Variants in CWH43 observed in about 807,000 individuals in gnomAD.
The protein encoded by CWH43 is PGAP2-interacting protein.
A neutral mutation model predicts 85.7 loss-of-function variants in CWH43; 91 were observed. That is an observed-to-expected ratio of 1.06 (90% CI 0.90 to 1.26). The LOEUF (loss-of-function observed/expected upper bound fraction) is 1.26. Among genes scored for constraint, CWH43 ranks in the 50% most tolerant of loss-of-function variants. CWH43 has a pLI of 0.00. For synonymous variants in CWH43, 323 were observed against 293.6 expected (o/e 1.10, Z -1.02); for missense variants, 869 against 839.2 (o/e 1.04, Z -0.44).
intron 9 of CWH43, among the ~76,000 whole-genome samples, chr4:49,024,173 C>T (rs1783833351): frequency 6.6e-6 from 1 of 152,162 alleles, no homozygotes; most frequent in African/African-American, 2.4e-5. Context: ...CTCCTGCTCA[C>T]TTTTGGTGTC....
rs532071444 is a variant in CWH43, at chr4:48,989,825, A to G, written c.235+1157A>G. 1.5e-3 allele frequency among the ~76,000 whole-genome samples: 225 copies of G among 152,346 alleles called. 1 individual carries two copies. Among genetic ancestry groups the G allele is most frequent in the Non-Finnish European group, 2.9e-3 (194 of 68,040 alleles). On this transcript the variant is annotated intron_variant, in intron 2 of 15. Transcript: ENST00000226432. Reference sequence around the variant, plus strand: ...AATTGGTGTCCATAGGAATTGAAAGACATGTCAAATGGTCTTGAAATTTTC... The same window carrying G: ...AATTGGTGTCCATAGGAATTGAAAGGCATGTCAAATGGTCTTGAAATTTTC...
In CWH43 at chr4:49,017,246, T is replaced by A; in HGVS notation, c.1187-3T>A. The A allele has an allele frequency of 6.2e-7, 1 of 1,606,734 alleles. No homozygotes were observed. The highest frequency in any genetic ancestry group is 1.3e-5 in the African/African-American group (1 of 74,642). On this transcript the variant is annotated splice_region_variant and splice_polypyrimidine_tract_variant and intron_variant, in intron 8 of 15. Transcript: ENST00000226432. ...AACCCAATTATTTCTTTTTTCTGTT[T>A]AGTTCTGTGGCTGCTTGTTGGTGTG... is the stretch of plus-strand genomic sequence containing the variant.
chr4:49,010,722 T>C (rs1783330262), intron 8 of CWH43, among the ~76,000 whole-genome samples: 1 of 152,204 alleles, frequency 6.6e-6, no homozygotes, highest in Non-Finnish European at 1.5e-5. Flanking sequence ...TCTGCCTTCA[T>C]TTCATTATTT....
chr4:49,061,875 C>A lies in CWH43; in HGVS notation c.2085C>A (p.Pro695=). Residue 695 remains proline, a synonymous_variant, in exon 16 of 16, where the codon CCC becomes CCA. Transcript: ENST00000226432. ...ACCATCATTTTCATATGAATACTCC[C>A]AAATACTTTTTATGAAACATTTAAA... ...ENNHHFHMNT[P]KYFL 1 of 1,378,886 alleles carries A rather than the reference C, an allele frequency of 7.3e-7. No individual in the cohort carries two copies. Among genetic ancestry groups the A allele is most frequent in the South Asian group, 1.5e-5 (1 of 68,530 alleles). The allele number at this position is 1,378,886 out of a possible 1,614,324, so 85.4% of individuals were successfully genotyped here.
intron 6 of CWH43, among the ~76,000 whole-genome samples, chr4:48,999,682 G>A (rs958767478): frequency 1.3e-5 from 2 of 152,182 alleles, no homozygotes; most frequent in African/African-American, 4.8e-5. Context: ...GTTGCCAGTT[G>A]CCAGACCTCT....
At chr4:49,060,560 C>T (rs1313550134) in intron 15 of CWH43, among the ~76,000 whole-genome samples, 1 of 152,074 alleles carries the variant, frequency 6.6e-6, no homozygotes, top group African/African-American at 2.4e-5. Flanking sequence ...TTACTTCACT[C>T]ATTTTACCCT....
At chr4:49,003,691 G>A (rs1783064344) in intron 6 of CWH43, 44 bp from the exon 7 acceptor site, 2 of 1,607,528 alleles carry the variant, frequency 1.2e-6, no homozygotes, top group South Asian at 1.1e-5. Flanking sequence ...CATCCTCTAA[G>A]CTCGACTGCT....
intron 13 of CWH43, among the ~76,000 whole-genome samples, chr4:49,039,306 G>GATATATATATATATATATATATATAT (rs71600797): frequency 0.026 from 119 of 4,522 alleles, 21 homozygotes; most frequent in African/African-American, 0.037. Flanking sequence ...TCAGGAGACT[G>GATATATATATATATATATATATATAT]ATATATATAT....
At chr4:48,990,463 A>G (rs1368770385) in intron 2 of CWH43, among the ~76,000 whole-genome samples, 4 of 152,282 alleles carry the variant, frequency 2.6e-5, no homozygotes, top group East Asian at 3.9e-4. Context: ...GAGTCCTGAG[A>G]TATTCTTATA....
chr4:49,033,177 C>T (rs1784157144), intron 12 of CWH43, among the ~76,000 whole-genome samples: 1 of 152,144 alleles, frequency 6.6e-6, no homozygotes, highest in African/African-American at 2.4e-5. Context: ...AAAGAAATTT[C>T]CTTTTCCTGC....
chr4:49,038,372 C>T (rs1784327866), intron 13 of CWH43, among the ~76,000 whole-genome samples, 192 bp downstream of exon 13: 1 of 152,146 alleles, frequency 6.6e-6, no homozygotes, highest in South Asian at 2.1e-4. Flanking sequence ...CCAATGTGGA[C>T]AGGGCTCAAT....
At chr4:49,043,398 C>T (rs1361298941) in intron 13 of CWH43, among the ~76,000 whole-genome samples, 2 of 152,126 alleles carry the variant, frequency 1.3e-5, no homozygotes, top group Non-Finnish European at 2.9e-5. Flanking sequence ...TGTGCATGTG[C>T]ACGTGAGTGT....
intron 8 of CWH43, among the ~76,000 whole-genome samples, chr4:49,011,819 G>T (rs949156776): frequency 2.0e-5 from 3 of 152,324 alleles, no homozygotes; most frequent in African/African-American, 4.8e-5. Context: ...CTTCTGGCTT[G>T]TAGGGTTTCT....
intron 9 of CWH43, among the ~76,000 whole-genome samples, chr4:49,027,428 T>A (rs1783950709): frequency 6.6e-6 from 1 of 152,198 alleles, no homozygotes; most frequent in South Asian, 2.1e-4. Context: ...GATGAATAGT[T>A]GTAAGAAAAA....
intron 12 of CWH43, among the ~76,000 whole-genome samples, chr4:49,035,265 G>T (rs1380656168): frequency 6.6e-6 from 1 of 152,174 alleles, no homozygotes; most frequent in Non-Finnish European, 1.5e-5. Flanking sequence ...AATTTCTAAT[G>T]CTTGTGCATG....
At chr4:49,041,995 A>AG (rs1420857757) in intron 13 of CWH43, among the ~76,000 whole-genome samples, 2 of 152,220 alleles carry the variant, frequency 1.3e-5, no homozygotes, top group Non-Finnish European at 2.9e-5. Context: ...AAGAAGGGTA[A>AG]GGCAGATATT....
At chr4:49,014,482 A>G (rs1783473896) in intron 8 of CWH43, among the ~76,000 whole-genome samples, 1 of 151,802 alleles carries the variant, frequency 6.6e-6, no homozygotes, top group African/African-American at 2.4e-5. Flanking sequence ...AAAAGAGAGA[A>G]GAAAAGATTC....
intron 15 of CWH43, among the ~76,000 whole-genome samples, chr4:49,059,556 A>G (rs1785073532): frequency 6.6e-6 from 1 of 152,168 alleles, no homozygotes; most frequent in African/African-American, 2.4e-5. Context: ...CATTTGAAAA[A>G]GTGGGCATCT....
In CWH43 at chr4:49,061,816, G is replaced by A; in HGVS notation, c.2026G>A (p.Gly676Arg). 1.4e-6 allele frequency: 2 copies of A among 1,381,244 alleles called. No individual in the cohort carries two copies. The highest frequency in any genetic ancestry group is 1.5e-5 in the South Asian group (1 of 67,924). The allele number at this position is 1,381,244 out of a possible 1,614,324, so 85.6% of individuals were successfully genotyped here. The stretch of plus-strand genomic sequence containing the variant: ...ATTTATTTTTTATTTTTTTAGATTT[G>A]GATCCTACAAAGAAGGACACAATTA... The part of the protein sequence containing the change: ...SEKIHFNPRF[G>R]SYKEGHNYEN... Residue 676 changes from glycine to arginine, a missense_variant, in exon 16 of 16, where the codon GGA (glycine) becomes AGA (arginine). Around this residue, in one of 3 missense-constraint regions of CWH43, gnomAD observed 577 missense variants for 513.1 expected, o/e 1.12. Transcript: ENST00000226432.
Sources: gnomAD v4.1 joint callset for allele counts (sites outside exome capture counted in the v4.1 genomes callset) on GRCh38, gnomAD v4.1.1 for gene constraint, gnomAD v4.1.1 regional missense constraint, MANE v1.5 for transcripts, NCBI Gene and HGNC (gene_info 2026-07-23, HGNC 2026-07-21) for gene names.